Variants in AP3B1 observed in about 807,000 individuals in gnomAD.
AP3B1 encodes the protein AP-3 complex subunit beta-1.
AP3B1 carries 61 observed loss-of-function variants against 132.5 expected under a neutral mutation model. The observed-to-expected ratio is 0.46, with a 90% CI of 0.37 to 0.57. AP3B1 has a LOEUF of 0.57. Among genes scored for constraint, AP3B1 ranks in the 20% least tolerant of loss-of-function variants. AP3B1 has a pLI of 0.00. For synonymous variants in AP3B1, 388 were observed against 438.3 expected (o/e 0.89, Z 1.43); for missense variants, 1,120 against 1,289.4 (o/e 0.87, Z 2.01).
At chr5:78,258,609 A>G (rs1469813246) in intron 2 of AP3B1, among the ~76,000 whole-genome samples, 1 of 152,208 alleles carries the variant, frequency 6.6e-6, no homozygotes, top group Non-Finnish European at 1.5e-5. Flanking sequence ...AATTAGTACA[A>G]CCACTATGGA....
rs1224610260 is a variant in AP3B1 at position 78,156,180 on chromosome 5, T to G, written c.1473+78A>C. 8.6e-6 allele frequency: 9 copies of G among 1,045,840 alleles called. No homozygotes were observed. The Admixed American group carries it at 1.2e-4, about 14-fold the overall frequency. 64.8% of individuals were successfully genotyped at this position (1,045,840 alleles called of 1,614,324 possible). A position where few individuals can be genotyped will look rare whatever the true frequency, so the allele number is the denominator to read the frequency against. ...ACTTCAGCTCTCCTAACCATTACCC[T>G]TTAGGCTGACCATTTATTTTAACAA... On this transcript the variant is annotated intron_variant, in intron 14 of 26. Transcript: ENST00000255194.
intron 6 of AP3B1, among the ~76,000 whole-genome samples, chr5:78,221,171 A>G (rs1299722059): frequency 1.3e-5 from 2 of 152,210 alleles, no homozygotes; most frequent in East Asian, 3.8e-4. Flanking sequence ...GCCATCTACT[A>G]AGAAAACATA....
rs1300646714 is a variant in AP3B1, at chr5:78,278,357, T to TACACA, written c.129-10763_129-10762insTGTGT. ...CCCCTCCAAAAGGGGACTAATTCTT[T>TACACA]GGGAGGCCGAGGCGGGCGGATCACG... On this transcript the variant is annotated intron_variant, in intron 1 of 26. Coordinates refer to ENST00000255194, the MANE Select transcript of AP3B1 (RefSeq NM_003664.5). 2.6e-3 allele frequency among the ~76,000 whole-genome samples: 362 copies of TACACA among 140,674 alleles called. 5 individuals are homozygous for TACACA. The highest frequency in any genetic ancestry group is 7.5e-3 in the Middle Eastern group (2 of 268). The allele number at this position is 140,674 out of a possible 152,430, so 92.3% of individuals were successfully genotyped here.
chr5:78,172,046 G>A (rs1488922904), intron 11 of AP3B1, among the ~76,000 whole-genome samples: 1 of 152,166 alleles, frequency 6.6e-6, no homozygotes, highest in Non-Finnish European at 1.5e-5. Flanking sequence ...TACATTTATT[G>A]ATTTGCATAT....
intron 7 of AP3B1, among the ~76,000 whole-genome samples, chr5:78,200,659 A>G (rs1375118037): frequency 6.6e-6 from 1 of 152,212 alleles, no homozygotes; most frequent in Non-Finnish European, 1.5e-5. Context: ...CATTAAAAAC[A>G]ACAACAAAAA....
At chr5:78,288,071 T>C (rs183900057) in intron 1 of AP3B1, among the ~76,000 whole-genome samples, 22 of 152,324 alleles carry the variant, frequency 1.4e-4, no homozygotes, top group African/African-American at 5.1e-4. Flanking sequence ...TGCTTATGAC[T>C]CAGGGCACCA....
chr5:78,282,664 G>A (rs10075336), intron 1 of AP3B1, among the ~76,000 whole-genome samples: 32,854 of 152,016 alleles, frequency 0.22, 4,404 homozygotes, highest in Middle Eastern at 0.31. Flanking sequence ...AATGGTTAAT[G>A]TTAAAATTAA....
chr5:78,136,384 G>T (rs1485366564), intron 15 of AP3B1, among the ~76,000 whole-genome samples: 1 of 151,960 alleles, frequency 6.6e-6, no homozygotes, highest in Admixed American at 6.6e-5. Context: ...GAACAATTTG[G>T]GCATAACATG....
At chr5:78,196,494 A>G (rs1745081822) in intron 7 of AP3B1, among the ~76,000 whole-genome samples, 1 of 152,194 alleles carries the variant, frequency 6.6e-6, no homozygotes. Flanking sequence ...TACTCTTACC[A>G]AACAATCCAG....
chr5:78,254,076 CAG>C (rs1206167233), intron 2 of AP3B1, among the ~76,000 whole-genome samples: 10 of 151,436 alleles, frequency 6.6e-5, no homozygotes, highest in African/African-American at 2.2e-4. Flanking sequence ...AAGAATGCAT[CAG>C]AGTCTCTTAT....
intron 7 of AP3B1, among the ~76,000 whole-genome samples, chr5:78,190,071 T>C (rs192077871): frequency 1.3e-5 from 2 of 152,004 alleles, no homozygotes; most frequent in East Asian, 3.9e-4. Context: ...AATTAACATA[T>C]AATATTACAG....
At chr5:78,031,948 TG>T (rs920137443) in intron 24 of AP3B1, among the ~76,000 whole-genome samples, 1 of 152,212 alleles carries the variant, frequency 6.6e-6, no homozygotes, top group African/African-American at 2.4e-5. Flanking sequence ...GGTTAATGCA[TG>T]CATGCCTGTG....
At chr5:78,177,461 C>T in intron 8 of AP3B1, 25 bp from the exon 9 acceptor site, 1 of 1,551,952 alleles carries the variant, frequency 6.4e-7, no homozygotes, top group Non-Finnish European at 8.9e-7. Context: ...ATAAAAATAA[C>T]AGAACTATGA....
chr5:78,037,315 G>C (rs1170398169), intron 23 of AP3B1, among the ~76,000 whole-genome samples: 1 of 151,570 alleles, frequency 6.6e-6, no homozygotes, highest in Non-Finnish European at 1.5e-5. Flanking sequence ...TTTTAACTAG[G>C]TAAAAAAGGT....
chr5:78,170,270 T>C (rs1288378294), intron 11 of AP3B1, among the ~76,000 whole-genome samples: 3 of 152,210 alleles, frequency 2.0e-5, no homozygotes, highest in Non-Finnish European at 4.4e-5. Context: ...GGGTATATAC[T>C]CAGTAATGGG....
rs554171877 is a variant in AP3B1, at chr5:78,087,434, C to A, written c.2577+1959G>T. On this transcript the variant is annotated intron_variant, in intron 22 of 26. Transcript: ENST00000255194. The stretch of plus-strand genomic sequence containing the variant: ...CCATGACATTCTGCAGTAGAATATT[C>A]AGTTTATTTCTACACGTTCCATTTT... The A allele has an allele frequency of 4.6e-6, 3 of 656,596 alleles. No homozygotes were observed. In the South Asian group the frequency reaches 2.0e-4, roughly 45 times the overall value. 40.7% of individuals were successfully genotyped at this position (656,596 alleles called of 1,614,324 possible).
intron 1 of AP3B1, among the ~76,000 whole-genome samples, chr5:78,277,158 T>A (rs1280647551): frequency 6.6e-6 from 1 of 152,188 alleles, no homozygotes; most frequent in Non-Finnish European, 1.5e-5. Context: ...GAAACAAAAC[T>A]ACAATAGAGA....
chr5:78,104,659 T>C (rs1198003200), intron 20 of AP3B1, among the ~76,000 whole-genome samples: 3 of 152,178 alleles, frequency 2.0e-5, no homozygotes, highest in Non-Finnish European at 4.4e-5. Context: ...TTCACTCTTA[T>C]CCATGATTTA....
chr5:78,254,813 A>G (rs1249326821), intron 2 of AP3B1, among the ~76,000 whole-genome samples: 3 of 152,180 alleles, frequency 2.0e-5, no homozygotes, highest in Non-Finnish European at 4.4e-5. Context: ...ATAAAACTGT[A>G]GCTGTGATGT....
Sources: gnomAD v4.1 joint callset for allele counts (sites outside exome capture counted in the v4.1 genomes callset) on GRCh38, gnomAD v4.1.1 for gene constraint, MANE v1.5 for transcripts, NCBI Gene and HGNC (gene_info 2026-07-23, HGNC 2026-07-21) for gene names.